Variants in VWA8 observed in about 807,000 individuals in gnomAD.
VWA8 encodes the protein von Willebrand factor A domain containing 8.
VWA8 carries 221 observed loss-of-function variants against 241.5 expected under a neutral mutation model. The observed-to-expected ratio is 0.91, with a 90% CI of 0.82 to 1.02. VWA8 has a LOEUF of 1.02. Ranked by LOEUF, VWA8 falls within the 50% of genes least tolerant of loss-of-function variation. The pLI is 0.00. For synonymous variants in VWA8, 852 were observed against 827.1 expected (o/e 1.03, Z -0.52); for missense variants, 2,322 against 2,328.7 (o/e 1.00, Z 0.06).
intron 37 of VWA8, among the ~76,000 whole-genome samples, chr13:41,639,336 T>C (rs1023257574): frequency 3.9e-5 from 6 of 152,268 alleles, no homozygotes; most frequent in South Asian, 2.1e-4. Context: ...ACTGCAAATA[T>C]TTGAACACAA....
At chr13:41,883,309 GGAGT>G in intron 9 of VWA8, 74 bp downstream of exon 9, 1 of 1,113,466 alleles carries the variant, frequency 9.0e-7, no homozygotes, top group Non-Finnish European at 1.3e-6. Context: ...GGTGGGGAAA[GGAGT>G]GAGGGGAAGA....
In VWA8 at chr13:41,610,830, G is replaced by C. The variant is rs187058577; in HGVS notation, c.4877+746C>G. Among the ~76,000 whole-genome samples, 97 of 152,262 alleles carry C rather than the reference G, an allele frequency of 6.4e-4. 1 individual carries two copies. Among genetic ancestry groups the C allele is most frequent in the Admixed American group, 2.3e-3 (35 of 15,304 alleles). The stretch of plus-strand genomic sequence containing the variant: ...GTGGATGTCTAGGGTAACATCATGT[G>C]GATTCTTCTTATTTTTTAAATGGCT... On this transcript the variant is annotated intron_variant, in intron 39 of 44. Coordinates refer to ENST00000379310, the MANE Select transcript of VWA8 (RefSeq NM_015058.2).
intron 9 of VWA8, among the ~76,000 whole-genome samples, chr13:41,879,081 T>C (rs1277359876): frequency 6.6e-6 from 1 of 152,158 alleles, no homozygotes; most frequent in African/African-American, 2.4e-5. Context: ...TTAAAGTTCA[T>C]CTGGAGTCAC....
chr13:41,593,307 A>G (rs186278568), intron 40 of VWA8, among the ~76,000 whole-genome samples: 357 of 152,290 alleles, frequency 2.3e-3, no homozygotes, highest in African/African-American at 8.4e-3. Context: ...AATTCTAAGA[A>G]CTACCATGTA....
In VWA8 at chr13:41,573,522, TAC is replaced by T. The variant is rs1233499732; in HGVS notation, c.5370+2216_5370+2217del. Reference sequence around the variant, plus strand: ...ATATATATATACCTCTCTCTATATATACGTGTATATATATATACGTATATATA... The same window carrying T: ...ATATATATATACCTCTCTCTATATATGTGTATATATATATACGTATATATA... On this transcript the variant is annotated intron_variant, in intron 43 of 44. Transcript: ENST00000379310. Among the ~76,000 whole-genome samples the T allele has an allele frequency of 2.2e-5, 3 of 137,032 alleles. No individual in the cohort carries two copies. In the East Asian group the frequency reaches 6.3e-4, roughly 29 times the overall value. 89.9% of individuals were successfully genotyped at this position (137,032 alleles called of 152,430 possible). A position where few individuals can be genotyped will look rare whatever the true frequency, so the allele number is the denominator to read the frequency against.
At chr13:41,926,384 A>G (rs935665001) in intron 2 of VWA8, 30 of 550,692 alleles carry the variant, frequency 5.4e-5, no homozygotes, top group Admixed American at 3.6e-4. Flanking sequence ...TGGGATTCCT[A>G]AAGATTGAAA....
intron 2 of VWA8, among the ~76,000 whole-genome samples, chr13:41,938,650 CAAA>C (rs367709095): frequency 7.8e-6 from 1 of 128,172 alleles, no homozygotes; most frequent in African/African-American, 2.8e-5. Context: ...GACTGCGTCT[CAAA>C]AAAAAAAAAA....
At chr13:41,871,740 A>T (rs1385099772) in intron 9 of VWA8, among the ~76,000 whole-genome samples, 1 of 152,052 alleles carries the variant, frequency 6.6e-6, no homozygotes, top group Non-Finnish European at 1.5e-5. Flanking sequence ...AGTCTTTGCT[A>T]TTGTGAATAG....
chr13:41,708,085 C>A (rs2045293477), intron 26 of VWA8, among the ~76,000 whole-genome samples: 1 of 152,098 alleles, frequency 6.6e-6, no homozygotes, highest in Non-Finnish European at 1.5e-5. Context: ...GGGCCGGGTG[C>A]AGTGGCTCAC....
rs573074094 is a variant in VWA8 at position 41,713,410 on chromosome 13, A to G, written c.3116+6181T>C. On this transcript the variant is annotated intron_variant, in intron 26 of 44. Coordinates refer to ENST00000379310, the MANE Select transcript of VWA8 (RefSeq NM_015058.2). ...ATAGTTTAAAAAGTGAACCTATTAT[A>G]TTTAATAAAAATATTGGCTATTATG... Among the ~76,000 whole-genome samples, 3 of 152,350 alleles carry G rather than the reference A, an allele frequency of 2.0e-5. No individual in the cohort carries two copies. The East Asian group carries it at 5.8e-4, about 29-fold the overall frequency.
At chr13:41,569,620 T>A (rs1315533307) in intron 44 of VWA8, among the ~76,000 whole-genome samples, 1 of 151,186 alleles carries the variant, frequency 6.6e-6, no homozygotes, top group Admixed American at 6.6e-5. Flanking sequence ...AACAAAAACG[T>A]AGGCCCTTTG....
chr13:41,570,800 A>C (rs2044296475), intron 43 of VWA8, 94 bp from the exon 44 acceptor site: 2 of 1,031,778 alleles, frequency 1.9e-6, no homozygotes, highest in South Asian at 1.6e-5. Context: ...GCATGCATAC[A>C]TACCAATTAT....
chr13:41,667,968 T>G (rs1392448530), intron 37 of VWA8, among the ~76,000 whole-genome samples: 1 of 152,166 alleles, frequency 6.6e-6, no homozygotes, highest in Non-Finnish European at 1.5e-5. Flanking sequence ...AATACTCTCT[T>G]GTAAGCTGTA....
At chr13:41,689,537 T>C (rs2045161482) in intron 33 of VWA8, 29 bp from the exon 34 acceptor site, 2 of 1,552,568 alleles carry the variant, frequency 1.3e-6, no homozygotes, top group African/African-American at 1.4e-5. Context: ...AGACACCATA[T>C]GCTCCTGAAA....
At chr13:41,599,697 T>C (rs9566803) in intron 40 of VWA8, among the ~76,000 whole-genome samples, 10,971 of 152,218 alleles carry the variant, frequency 0.072, 542 homozygotes, top group East Asian at 0.15. Flanking sequence ...AGGGAAGGAA[T>C]TGAAACTGCG....
intron 43 of VWA8, among the ~76,000 whole-genome samples, chr13:41,574,163 A>AAAG (rs1420355297): frequency 7.0e-6 from 1 of 143,638 alleles, no homozygotes; most frequent in Non-Finnish European, 1.5e-5. Context: ...ACATTAAAGA[A>AAAG]AAGTTTTCTG....
At chr13:41,571,828 G>C (rs2044307243) in intron 43 of VWA8, among the ~76,000 whole-genome samples, 3 of 151,904 alleles carry the variant, frequency 2.0e-5, no homozygotes, top group Admixed American at 1.3e-4. Flanking sequence ...GATGTGAGGA[G>C]CCCCTCCGAC....
At position 41,886,831 on chromosome 13, in the gene VWA8, C is replaced by G. The variant is rs1199098110; in HGVS notation, c.817-1G>C. 1 of 1,581,642 alleles carries G rather than the reference C, an allele frequency of 6.3e-7. No individual in the cohort carries two copies. Among genetic ancestry groups the G allele is most frequent in the Non-Finnish European group, 8.6e-7 (1 of 1,165,880 alleles). On this transcript the variant is annotated splice_acceptor_variant, in intron 6 of 44. Coordinates refer to ENST00000379310, the MANE Select transcript of VWA8 (RefSeq NM_015058.2). LOFTEE classifies it high-confidence loss of function. ...TTGAATATAACAACTTAAGTTGGTC[C>G]TAAAGTAATACAGAAACATATTAAA...
At chr13:41,611,782 G>C (rs1283777268) in intron 38 of VWA8, 50 bp from the exon 39 acceptor site, 1 of 1,605,982 alleles carries the variant, frequency 6.2e-7, no homozygotes, top group Non-Finnish European at 8.5e-7. Context: ...CTTGACCACA[G>C]AACAAAAGTT....
Sources: gnomAD v4.1 joint callset for allele counts (sites outside exome capture counted in the v4.1 genomes callset) on GRCh38, gnomAD v4.1.1 for gene constraint, MANE v1.5 for transcripts, NCBI Gene and HGNC (gene_info 2026-07-23, HGNC 2026-07-21) for gene names.